The following CX3CR1 variants were observed in gnomAD, a reference collection of about 807,000 sequenced individuals.
CX3CR1 encodes the protein C-X3-C motif chemokine receptor 1, also known as CX3C chemokine receptor 1.
For missense variants in CX3CR1, 363 were observed against 432.4 expected (o/e 0.84, Z 1.42); for synonymous variants, 168 against 178.5 (o/e 0.94, Z 0.47).
At chr3:39,283,808 T>A (rs1331180932), upstream of CX3CR1, among the ~76,000 whole-genome samples, 1 of 56,496 alleles carries the variant, frequency 1.8e-5, no homozygotes, top group South Asian at 4.6e-4. Flanking sequence ...TATATATATA[T>A]ATATATATAT....
intron 1 of CX3CR1, among the ~76,000 whole-genome samples, chr3:39,274,502 A>AAG (rs2040817548): frequency 6.6e-6 from 1 of 151,332 alleles, no homozygotes; most frequent in African/African-American, 2.4e-5. Context: ...AAAAAAAAAA[A>AAG]ATAGCAACAG....
chr3:39,272,174 G>T (rs532311841), intron 1 of CX3CR1, among the ~76,000 whole-genome samples: 1 of 152,206 alleles, frequency 6.6e-6, no homozygotes, highest in East Asian at 1.9e-4. Flanking sequence ...ATCAACTAAG[G>T]CTGCACTTTA....
chr3:39,283,797 ATATAT>A (rs2040925745), upstream of CX3CR1, among the ~76,000 whole-genome samples: 4 of 23,730 alleles, frequency 1.7e-4, no homozygotes, highest in Non-Finnish European at 3.6e-4. Context: ...AAAAAAAATT[ATATAT>A]ATATATATAT....
At position 39,265,272 on chromosome 3, in the gene CX3CR1, A is replaced by C; in HGVS notation, c.*170T>G. On this transcript the variant is annotated 3_prime_UTR_variant, in exon 2 of 2. Coordinates refer to ENST00000399220, the MANE Select transcript of CX3CR1 (RefSeq NM_001337.4). Reference sequence around the variant, plus strand: ...GTCATTCAAAGAGTTCAATTTGTTCATTCTTCAAATTTTGAGCACAATTCT... The same window carrying C: ...GTCATTCAAAGAGTTCAATTTGTTCCTTCTTCAAATTTTGAGCACAATTCT... 1.6e-6 allele frequency: 1 copy of C among 616,676 alleles called. No individual in the cohort carries two copies. Among genetic ancestry groups the C allele is most frequent in the Non-Finnish European group, 2.8e-6 (1 of 362,872 alleles). The allele number at this position is 616,676 out of a possible 1,614,324, so 38.2% of individuals were successfully genotyped here. A position where few individuals can be genotyped will look rare whatever the true frequency, so the allele number is the denominator to read the frequency against.
At position 39,264,239 on chromosome 3, in the gene CX3CR1, C is replaced by G. The variant is rs941523078; in HGVS notation, c.*1203G>C. The G allele has an allele frequency of 3.3e-5, 5 of 152,282 alleles. No individual in the cohort carries two copies. The highest frequency in any genetic ancestry group is 1.2e-4 in the African/African-American group (5 of 41,468). 9.4% of individuals were successfully genotyped at this position (152,282 alleles called of 1,614,324 possible). On this transcript the variant is annotated 3_prime_UTR_variant, in exon 2 of 2. Transcript: ENST00000399220. ...GCTCTTCCAAGCTTTGTCAGCACCA[C>G]AACTTGGGCACAGCACAGCAGTGCC... is the stretch of plus-strand genomic sequence containing the variant.
chr3:39,275,364 C>T (rs1273937510), intron 1 of CX3CR1, among the ~76,000 whole-genome samples: 1 of 152,174 alleles, frequency 6.6e-6, no homozygotes, highest in Non-Finnish European at 1.5e-5. Context: ...ACTGAAGAGC[C>T]TTGCTCAGTG....
rs2040686024 is a variant in CX3CR1, at chr3:39,265,698, A to G, written c.812T>C (p.Leu271Pro). 6.2e-7 allele frequency: 1 copy of G among 1,614,200 alleles called. No individual in the cohort carries two copies. Among genetic ancestry groups the G allele is most frequent in the Non-Finnish European group, 8.5e-7 (1 of 1,179,998 alleles). Reference protein sequence around the residue: ...FFPSCDMRKDLRLALSVTETV... With the variant: ...FFPSCDMRKDPRLALSVTETV... ...CTCAGTCACACTGAGGGCCAGCCTC[A>G]GATCCTTCCTCATGTCACAACTGGG... is the stretch of plus-strand genomic sequence containing the variant. The change falls in exon 2 of 2, where the codon CTG (leucine) becomes CCG (proline). Residue 271 changes from leucine (L) to proline (P), a missense_variant. Physicochemically the swap from Leu to Pro is moderately conservative, Grantham distance 98 (BLOSUM62 -3). Transcript: ENST00000399220.
intron 1 of CX3CR1, 58 bp downstream of exon 1, chr3:39,279,896 A>G (rs1292093794): frequency 1.3e-6 from 1 of 776,322 alleles, no homozygotes; most frequent in Non-Finnish European, 1.6e-6. Flanking sequence ...TTATTAACCT[A>G]TTAGCTGTCC....
At chr3:39,267,075 C>T (rs1460153382) in intron 1 of CX3CR1, among the ~76,000 whole-genome samples, 2 of 152,210 alleles carry the variant, frequency 1.3e-5, no homozygotes, top group African/African-American at 2.4e-5. Context: ...TGAGCCACAG[C>T]GCCCAGCCAG....
the CX3CR1 span, among the ~76,000 whole-genome samples, chr3:39,292,658 C>T: frequency 6.6e-6 from 1 of 152,170 alleles, no homozygotes; most frequent in Admixed American, 6.5e-5. Context: ...GTTTAATCCT[C>T]CAGCAATGCT....
chr3:39,282,632 G>A (rs551598535), upstream of CX3CR1, among the ~76,000 whole-genome samples: 1 of 152,282 alleles, frequency 6.6e-6, no homozygotes, highest in African/African-American at 2.4e-5. Flanking sequence ...ACACAATGCA[G>A]GCAAGGACTG....
chr3:39,268,330 T>A (rs1313824528), intron 1 of CX3CR1, among the ~76,000 whole-genome samples: 1 of 152,230 alleles, frequency 6.6e-6, no homozygotes, highest in African/African-American at 2.4e-5. Context: ...GGCTGTGACG[T>A]TAATTAATAA....
the CX3CR1 span, chr3:39,287,506 A>G: frequency 6.6e-6 from 1 of 152,176 alleles, no homozygotes; most frequent in African/African-American, 2.4e-5. Flanking sequence ...CCAAATGGAG[A>G]TGCCATGCTC....
intron 1 of CX3CR1, among the ~76,000 whole-genome samples, chr3:39,267,154 G>T (rs2040711251): frequency 6.6e-6 from 1 of 152,002 alleles, no homozygotes; most frequent in Admixed American, 6.6e-5. Context: ...CCAAAAGCTA[G>T]CTAGTTTGAC....
chr3:39,268,135 T>C (rs36040453), intron 1 of CX3CR1, among the ~76,000 whole-genome samples: 2 of 152,280 alleles, frequency 1.3e-5, no homozygotes, highest in East Asian at 3.9e-4. Context: ...CCAGCCAGGG[T>C]GTGTCACTTC....
rs56379446 is a variant in CX3CR1, at chr3:39,278,225, C to A, written c.-10+1729G>T. ...GCTGATGGATAGTAGGTGCTCCCAT[C>A]CCAGAGGTGTGGCAAGTGCCAGGTA... On this transcript the variant is annotated intron_variant, in intron 1 of 1. Coordinates refer to ENST00000399220, the MANE Select transcript of CX3CR1 (RefSeq NM_001337.4). Among the ~76,000 whole-genome samples the A allele has an allele frequency of 5.9e-3, 892 of 152,312 alleles. 7 individuals carry two copies. Among genetic ancestry groups the A allele is most frequent in the African/African-American group, 0.021 (865 of 41,572 alleles).
intron 1 of CX3CR1, among the ~76,000 whole-genome samples, chr3:39,276,973 T>C (rs934663563): frequency 2.0e-5 from 3 of 152,120 alleles, no homozygotes; most frequent in Non-Finnish European, 4.4e-5. Flanking sequence ...GCCTGGATGG[T>C]AGTAATGTGG....
the CX3CR1 span, among the ~76,000 whole-genome samples, chr3:39,289,423 C>T: frequency 5.9e-5 from 9 of 152,240 alleles, no homozygotes; most frequent in East Asian, 1.7e-3. Context: ...TCAGAGTAGC[C>T]TCCTTCTGGG....
the CX3CR1 span, chr3:39,288,022 AGT>A: frequency 1.3e-5 from 2 of 151,964 alleles, no homozygotes; most frequent in Non-Finnish European, 2.9e-5. Flanking sequence ...GTTTTAAATA[AGT>A]GAAATCCATC....
Sources: gnomAD v4.1 joint callset for allele counts (sites outside exome capture counted in the v4.1 genomes callset) on GRCh38, gnomAD v4.1.1 for gene constraint, MANE v1.5 for transcripts, NCBI Gene and HGNC (gene_info 2026-07-23, HGNC 2026-07-21) for gene names.